The following DYSF variants were observed in gnomAD, a reference collection of about 807,000 sequenced individuals.
DYSF encodes dystrophy-associated fer-1-like 1.
DYSF carries 212 observed loss-of-function variants against 274.9 expected under a neutral mutation model. The ratio of observed to expected loss-of-function variants is 0.77; its 90% CI spans 0.69 to 0.86. DYSF has a LOEUF of 0.86. Among genes scored for constraint, DYSF ranks in the 40% least tolerant of loss-of-function variants. The probability of loss-of-function intolerance (pLI) is 0.00; values close to 1 mark genes in which losing one functional copy is unlikely to be tolerated. For synonymous variants in DYSF, 1,091 were observed against 1,078.7 expected (o/e 1.01, Z -0.22); for missense variants, 2,666 against 2,783.2 (o/e 0.96, Z 0.95).
intron 40 of DYSF, among the ~76,000 whole-genome samples, chr2:71,618,824 C>A (rs1281066519): frequency 1.3e-5 from 2 of 151,664 alleles, no homozygotes; most frequent in African/African-American, 4.9e-5. Flanking sequence ...ACAGGCCTGG[C>A]CTGCTAGTGT....
At chr2:71,553,767 C>CCA in intron 20 of DYSF, 40 bp from the exon 21 acceptor site, 1 of 1,555,708 alleles carries the variant, frequency 6.4e-7, no homozygotes, top group Non-Finnish European at 8.7e-7. Context: ...ACCCGCCCTC[C>CCA]ACTCCTGGCA....
At chr2:71,507,768 G>C (rs12464624) in intron 4 of DYSF, among the ~76,000 whole-genome samples, 79,088 of 152,170 alleles carry the variant, frequency 0.52, 21,444 homozygotes, top group Non-Finnish European at 0.58. Context: ...CTGGCCTCTG[G>C]GGCCACTGCA....
chr2:71,650,120 AAC>A (rs2094630109), intron 42 of DYSF, among the ~76,000 whole-genome samples: 1 of 152,220 alleles, frequency 6.6e-6, no homozygotes, highest in Non-Finnish European at 1.5e-5. Flanking sequence ...AAGCAATGGA[AAC>A]ACACTGGTTG....
chr2:71,594,362 A>G (rs1399712241), intron 32 of DYSF, among the ~76,000 whole-genome samples: 2 of 152,162 alleles, frequency 1.3e-5, no homozygotes, highest in Non-Finnish European at 2.9e-5. Context: ...GCTCCACTTA[A>G]AAAGGGTTCC....
rs536704127 is a variant in DYSF, at chr2:71,496,618, T to C, written c.240-6596T>C. 4.6e-5 allele frequency among the ~76,000 whole-genome samples: 7 copies of C among 152,034 alleles called. No homozygotes were observed. The East Asian group carries it at 1.4e-3, about 29-fold the overall frequency. On this transcript the variant is annotated intron_variant, in intron 3 of 55. Coordinates refer to ENST00000410020, the MANE Select transcript of DYSF (RefSeq NM_001130987.2). ...CCCTATGGTGCTTAGGACAGGGGAA[T>C]GTGGGCCCTGAGTGTGACAGGCTGT...
At chr2:71,469,593 A>G (rs1345084937) in intron 1 of DYSF, among the ~76,000 whole-genome samples, 1 of 152,106 alleles carries the variant, frequency 6.6e-6, no homozygotes, top group Non-Finnish European at 1.5e-5. Context: ...CTTTCCTTGC[A>G]GTTGTTCCCT....
intron 22 of DYSF, among the ~76,000 whole-genome samples, chr2:71,561,549 A>G (rs2091756296): frequency 6.6e-6 from 1 of 152,152 alleles, no homozygotes; most frequent in African/African-American, 2.4e-5. Flanking sequence ...GTAGGCTGAC[A>G]TGGGTGAGGA....
At chr2:71,504,058 C>T (rs189103840) in intron 4 of DYSF, among the ~76,000 whole-genome samples, 2 of 152,278 alleles carry the variant, frequency 1.3e-5, no homozygotes, top group African/African-American at 4.8e-5. Flanking sequence ...GGTACTGCCC[C>T]GTGGCGGGTG....
At chr2:71,498,853 AGCCGG>A (rs1454916378) in intron 3 of DYSF, among the ~76,000 whole-genome samples, 1 of 152,276 alleles carries the variant, frequency 6.6e-6, no homozygotes, top group African/African-American at 2.4e-5. Flanking sequence ...ATTTTTGCAA[AGCCGG>A]TTTCATTAAT....
intron 32 of DYSF, among the ~76,000 whole-genome samples, chr2:71,592,392 C>A (rs1402348964): frequency 6.6e-6 from 1 of 152,078 alleles, no homozygotes; most frequent in Non-Finnish European, 1.5e-5. Context: ...TCCTCAGAGG[C>A]CACTGGCTTC....
rs945072105 is a variant in DYSF, at chr2:71,588,965, C to T, written c.3403-628C>T. ...GTGGTTTGTGGCTCAGTGGTTGGAGCCCAGTGCTAATGAGGGCGAGGTGGC... is the reference window on the plus strand; with the variant it reads ...GTGGTTTGTGGCTCAGTGGTTGGAGTCCAGTGCTAATGAGGGCGAGGTGGC... On this transcript the variant is annotated intron_variant, in intron 30 of 55. Transcript: ENST00000410020. Among the ~76,000 whole-genome samples the T allele has an allele frequency of 4.6e-5, 7 of 152,224 alleles. 1 individual carries two copies. Among genetic ancestry groups the T allele is most frequent in the Admixed American group, 4.6e-4 (7 of 15,288 alleles).
intron 29 of DYSF, among the ~76,000 whole-genome samples, chr2:71,571,832 C>A (rs1363484121): frequency 8.1e-6 from 1 of 123,078 alleles, no homozygotes; most frequent in East Asian, 2.7e-4. Flanking sequence ...CACATCACAC[C>A]CAGCACATGC....
At position 71,615,996 on chromosome 2, in the gene DYSF, G is replaced by T. The variant is rs1359982592; in HGVS notation, c.4464+2586G>T. Among the ~76,000 whole-genome samples, 2 of 152,048 alleles carry T rather than the reference G, an allele frequency of 1.3e-5. No individual in the cohort carries two copies. Among genetic ancestry groups the T allele is most frequent in the Non-Finnish European group, 2.9e-5 (2 of 68,012 alleles). ...TTGCCAGAGTTACCCTTCCATCTTG[G>T]TCCCTTCCTGTCACTTTCCTCCGTG... is the stretch of plus-strand genomic sequence containing the variant. On this transcript the variant is annotated intron_variant, in intron 40 of 55. Coordinates refer to ENST00000410020, the MANE Select transcript of DYSF (RefSeq NM_001130987.2). This position sits in a 1 kb window ranked among gnomAD's most constrained non-coding sequence, Gnocchi z 4.9.
At chr2:71,574,900 T>G (rs2152823964) in intron 30 of DYSF, among the ~76,000 whole-genome samples, 1 of 152,200 alleles carries the variant, frequency 6.6e-6, no homozygotes, top group South Asian at 2.1e-4. Flanking sequence ...AGGCTCAAGG[T>G]TCTCCAGGGC....
At position 71,669,755 on chromosome 2, in the gene DYSF, C is replaced by A. The variant is rs753986968; in HGVS notation, c.5784+9C>A. 3.7e-6 allele frequency: 6 copies of A among 1,614,174 alleles called. No individual in the cohort carries two copies. Among genetic ancestry groups the A allele is most frequent in the Non-Finnish European group, 4.2e-6 (5 of 1,180,044 alleles). ...GTACCATTGCCAAGAAGGTCAGTGT[C>A]CTTCCGATTCCCTGTGGTGCCAGCA... On this transcript the variant is annotated intron_variant, in intron 51 of 55. Transcript: ENST00000410020.
At chr2:71,644,087 A>G in intron 42 of DYSF, 24 bp downstream of exon 42, 9 of 1,588,738 alleles carry the variant, frequency 5.7e-6, no homozygotes, top group Non-Finnish European at 7.7e-6. Context: ...TCAGTCTGAC[A>G]GTCGGTGTGT....
intron 51 of DYSF, among the ~76,000 whole-genome samples, chr2:71,672,613 G>A (rs1030713712): frequency 2.0e-5 from 3 of 152,158 alleles, no homozygotes; most frequent in South Asian, 2.1e-4. Context: ...CATAATGAGC[G>A]CCTGGGACCT....
In DYSF at chr2:71,503,064, G is replaced by A. The variant is rs1226352327; in HGVS notation, c.240-150G>A. On this transcript the variant is annotated intron_variant, in intron 3 of 55. Coordinates refer to ENST00000410020, the MANE Select transcript of DYSF (RefSeq NM_001130987.2). ...GGATGGTGCATGGTGGTGACTGGGT[G>A]TGGGGGTGCAGGAGAGCCCTCGTGG... 10 of 764,230 alleles carry A rather than the reference G, an allele frequency of 1.3e-5. No individual in the cohort carries two copies. In the East Asian group the frequency reaches 2.0e-4, roughly 15 times the overall value. The allele number at this position is 764,230 out of a possible 1,614,324, so 47.3% of individuals were successfully genotyped here.
At chr2:71,603,679 C>G (rs2093595342) in intron 36 of DYSF, among the ~76,000 whole-genome samples, 2 of 152,188 alleles carry the variant, frequency 1.3e-5, no homozygotes, top group Non-Finnish European at 2.9e-5. Context: ...TGTAATTGCG[C>G]CTGACAGGCG....
Sources: gnomAD v4.1 joint callset for allele counts (sites outside exome capture counted in the v4.1 genomes callset) on GRCh38, gnomAD v4.1.1 for gene constraint, Gnocchi (gnomAD v3.1) non-coding constraint, MANE v1.5 for transcripts, NCBI Gene and HGNC (gene_info 2026-07-23, HGNC 2026-07-21) for gene names.